Variants in SPOCK1 observed in about 807,000 individuals in gnomAD.
SPOCK1 encodes SPARC (osteonectin), cwcv and kazal like domains proteoglycan 1.
A neutral mutation model predicts 55.3 loss-of-function variants in SPOCK1; 23 were observed. That is an observed-to-expected ratio of 0.42 (90% CI 0.30 to 0.59). SPOCK1 has a LOEUF of 0.59. SPOCK1 is among the 20% of genes least tolerant of loss of function. The probability of loss-of-function intolerance (pLI) is 0.22; values close to 1 mark genes in which losing one functional copy is unlikely to be tolerated. For synonymous variants in SPOCK1, 226 were observed against 221.0 expected (o/e 1.02, Z -0.20); for missense variants, 499 against 552.5 (o/e 0.90, Z 0.97).
At chr5:137,024,664 AT>A (rs1367608144) in intron 6 of SPOCK1, among the ~76,000 whole-genome samples, 3 of 152,106 alleles carry the variant, frequency 2.0e-5, no homozygotes, top group Non-Finnish European at 2.9e-5. Flanking sequence ...AATAAAAAAA[AT>A]TGAATATCCA....
chr5:137,302,511 A>AC (rs1757618342), intron 2 of SPOCK1, among the ~76,000 whole-genome samples: 1 of 151,868 alleles, frequency 6.6e-6, no homozygotes, highest in Non-Finnish European at 1.5e-5. Context: ...TGGGAGGCAG[A>AC]GCTTGCAGTG....
intron 3 of SPOCK1, among the ~76,000 whole-genome samples, chr5:137,259,310 T>TA (rs1237395720): frequency 6.6e-6 from 1 of 152,054 alleles, no homozygotes; most frequent in Non-Finnish European, 1.5e-5. Flanking sequence ...TATACAGCCA[T>TA]AAAAAAGGAT....
intron 2 of SPOCK1, among the ~76,000 whole-genome samples, chr5:137,415,761 A>G (rs775093132): frequency 2.0e-5 from 3 of 152,214 alleles, no homozygotes; most frequent in African/African-American, 4.8e-5. Context: ...GGAAAAAAAG[A>G]GAAACTTTTG....
At chr5:137,354,208 A>G (rs17171373) in intron 2 of SPOCK1, among the ~76,000 whole-genome samples, 10,992 of 152,160 alleles carry the variant, frequency 0.072, 784 homozygotes, top group African/African-American at 0.18. Context: ...CACACTAAGC[A>G]CCAATCGCTG....
chr5:137,428,187 G>A (rs1276803202), intron 2 of SPOCK1, among the ~76,000 whole-genome samples: 1 of 152,192 alleles, frequency 6.6e-6, no homozygotes, highest in East Asian at 1.9e-4. Context: ...AAACAAGTTA[G>A]AATGTGTGAA....
chr5:137,383,596 G>A (rs1335025957), intron 2 of SPOCK1, among the ~76,000 whole-genome samples: 1 of 152,230 alleles, frequency 6.6e-6, no homozygotes, highest in East Asian at 1.9e-4. Flanking sequence ...TGGAGCTGCA[G>A]TGAGATAAAC....
intron 2 of SPOCK1, among the ~76,000 whole-genome samples, chr5:137,376,785 G>GGTACACC (rs1392199132): frequency 8.2e-4 from 125 of 151,918 alleles, no homozygotes; most frequent in African/African-American, 2.9e-3. Flanking sequence ...TCCAACCTTT[G>GGTACACC]TCTATATAGA....
At chr5:137,389,671 G>A (rs1751673791) in intron 2 of SPOCK1, among the ~76,000 whole-genome samples, 1 of 152,244 alleles carries the variant, frequency 6.6e-6, no homozygotes, top group Admixed American at 6.5e-5. Flanking sequence ...GGCAGAGCTG[G>A]TGTTCACAAC....
chr5:137,053,450 C>T (rs1752245579), intron 6 of SPOCK1, among the ~76,000 whole-genome samples: 9 of 152,088 alleles, frequency 5.9e-5, no homozygotes, highest in Admixed American at 5.9e-4. Context: ...ACCAATATTG[C>T]CTGTAAAAAG....
At chr5:137,405,541 A>G (rs1752080072) in intron 2 of SPOCK1, among the ~76,000 whole-genome samples, 1 of 152,186 alleles carries the variant, frequency 6.6e-6, no homozygotes, top group Non-Finnish European at 1.5e-5. Context: ...TGTCACCGTG[A>G]ATAAGCCAAG....
intron 2 of SPOCK1, among the ~76,000 whole-genome samples, chr5:137,490,768 C>G (rs1163838433): frequency 6.6e-6 from 1 of 152,084 alleles, no homozygotes; most frequent in Non-Finnish European, 1.5e-5. Flanking sequence ...GGGAGGAGGT[C>G]CAGCAAGAAT....
At chr5:137,334,890 G>GT (rs1189374563) in intron 2 of SPOCK1, among the ~76,000 whole-genome samples, 1 of 148,026 alleles carries the variant, frequency 6.8e-6, no homozygotes, top group Non-Finnish European at 1.5e-5. Flanking sequence ...TTGCACTTTG[G>GT]TGTTGCACCC....
At chr5:137,185,704 A>C in intron 3 of SPOCK1, among the ~76,000 whole-genome samples, 1 of 152,232 alleles carries the variant, frequency 6.6e-6, no homozygotes, top group East Asian at 1.9e-4. Context: ...CCGTGGTGCC[A>C]GGGTGCCGAG....
chr5:137,269,757 C>T (rs1049341877), intron 2 of SPOCK1, among the ~76,000 whole-genome samples: 1 of 152,048 alleles, frequency 6.6e-6, no homozygotes, highest in African/African-American at 2.4e-5. Flanking sequence ...TCTAGAGCTT[C>T]ACCTCCTGAA....
intron 2 of SPOCK1, among the ~76,000 whole-genome samples, chr5:137,474,435 A>T (rs990329991): frequency 2.6e-5 from 4 of 152,174 alleles, no homozygotes; most frequent in African/African-American, 9.7e-5. Context: ...TTACACTGAA[A>T]GTATCGATAA....
intron 3 of SPOCK1, among the ~76,000 whole-genome samples, chr5:137,185,313 G>A (rs959134607): frequency 1.3e-5 from 2 of 152,186 alleles, no homozygotes; most frequent in African/African-American, 2.4e-5. Flanking sequence ...AAATTTACTT[G>A]CTCCAAGACT....
At chr5:137,153,855 CT>C (rs2127046009) in intron 3 of SPOCK1, among the ~76,000 whole-genome samples, 1 of 144,198 alleles carries the variant, frequency 6.9e-6, no homozygotes, top group South Asian at 2.3e-4. Flanking sequence ...AAGATTCTGT[CT>C]CAAAAAAACA....
chr5:137,235,991 G>A (rs1383118516), intron 3 of SPOCK1, among the ~76,000 whole-genome samples: 1 of 152,242 alleles, frequency 6.6e-6, no homozygotes, highest in Non-Finnish European at 1.5e-5. Flanking sequence ...ACACAGGCAG[G>A]GAGAGCCTCC....
chr5:137,442,527 C>T (rs1403889029), intron 2 of SPOCK1, among the ~76,000 whole-genome samples: 1 of 152,178 alleles, frequency 6.6e-6, no homozygotes, highest in Non-Finnish European at 1.5e-5. Context: ...AGTGCGTGTA[C>T]AACACTGAAG....
Sources: allele counts gnomAD v4.1 joint callset (sites outside exome capture counted in the v4.1 genomes callset), GRCh38; gene constraint gnomAD v4.1.1; transcripts MANE v1.5; gene names NCBI Gene and HGNC (gene_info 2026-07-23, HGNC 2026-07-21).